The following SMYD3 variants were observed in gnomAD, a reference collection of about 807,000 sequenced individuals.
SMYD3 encodes SET and MYND domain containing 3, also known as histone-lysine N-methyltransferase SMYD3.
SMYD3 carries 36 observed loss-of-function variants against 57.7 expected under a neutral mutation model. The ratio of observed to expected loss-of-function variants is 0.62; its 90% CI spans 0.48 to 0.82. The LOEUF is 0.82. SMYD3 is among the 40% of genes least tolerant of loss of function. The pLI is 0.00. For synonymous variants in SMYD3, 211 were observed against 195.0 expected (o/e 1.08, Z -0.68); for missense variants, 515 against 538.8 (o/e 0.96, Z 0.44).
intron 8 of SMYD3, among the ~76,000 whole-genome samples, chr1:245,900,621 C>T (rs772458239): frequency 5.9e-5 from 9 of 152,174 alleles, no homozygotes; most frequent in Non-Finnish European, 1.3e-4. Context: ...ACTAAAGCTA[C>T]GTTTAGTTGG....
At chr1:245,885,029 C>A (rs565519461) in intron 8 of SMYD3, among the ~76,000 whole-genome samples, 40 of 152,172 alleles carry the variant, frequency 2.6e-4, no homozygotes, top group Admixed American at 1.3e-4. Flanking sequence ...ACACTCAATG[C>A]GAAGGTCTGC....
intron 5 of SMYD3, among the ~76,000 whole-genome samples, chr1:245,952,520 G>A (rs1220333417): frequency 3.9e-5 from 6 of 152,126 alleles, no homozygotes; most frequent in Admixed American, 3.3e-4. Flanking sequence ...TCAGAAAGCC[G>A]ATCCTCAGAA....
intron 11 of SMYD3, 43 bp downstream of exon 11, chr1:245,763,998 A>T: frequency 6.7e-7 from 1 of 1,489,228 alleles, no homozygotes; most frequent in Admixed American, 1.7e-5. Context: ...CAGCAGAAAA[A>T]AAGGATGCCA....
chr1:246,005,054 G>T (rs2059145287), intron 5 of SMYD3, among the ~76,000 whole-genome samples: 1 of 152,050 alleles, frequency 6.6e-6, no homozygotes. Flanking sequence ...TCTCCATGTT[G>T]CCCATGCTGG....
intron 5 of SMYD3, among the ~76,000 whole-genome samples, chr1:246,109,507 T>C (rs766740218): frequency 5.9e-5 from 9 of 152,224 alleles, no homozygotes; most frequent in Non-Finnish European, 8.8e-5. Context: ...TAGTATGTTC[T>C]AAGAATCCAA....
intron 1 of SMYD3, among the ~76,000 whole-genome samples, chr1:246,446,098 C>G (rs2067547474): frequency 6.6e-6 from 1 of 151,924 alleles, no homozygotes; most frequent in Non-Finnish European, 1.5e-5. Context: ...GTCAGAAGAC[C>G]CTGGATGTAA....
chr1:245,772,062 G>A (rs1396014808), intron 10 of SMYD3, among the ~76,000 whole-genome samples: 1 of 152,118 alleles, frequency 6.6e-6, no homozygotes, highest in African/African-American at 2.4e-5. Flanking sequence ...TCAGGGCCGT[G>A]AATTCTTGTT....
At chr1:246,007,815 CAA>C (rs199605639) in intron 5 of SMYD3, among the ~76,000 whole-genome samples, 1 of 138,294 alleles carries the variant, frequency 7.2e-6, no homozygotes. Flanking sequence ...AGACCCTGAC[CAA>C]AAAAAAAAAG....
intron 5 of SMYD3, chr1:245,953,437 T>C (rs2057728021): frequency 1.2e-6 from 1 of 812,014 alleles, no homozygotes; most frequent in South Asian, 5.8e-5. Context: ...TGTTTTGTTT[T>C]TGAGACAGAG....
chr1:245,947,076 T>A (rs752902522), intron 5 of SMYD3, among the ~76,000 whole-genome samples: 1 of 152,166 alleles, frequency 6.6e-6, no homozygotes, highest in Non-Finnish European at 1.5e-5. Context: ...TACTGTCAGA[T>A]CGTCCACAGG....
At chr1:245,810,212 G>A (rs2048383891) in intron 10 of SMYD3, among the ~76,000 whole-genome samples, 1 of 152,140 alleles carries the variant, frequency 6.6e-6, no homozygotes, top group Non-Finnish European at 1.5e-5. Flanking sequence ...TCTCTTGCTA[G>A]GTGAGGCCTC....
chr1:246,135,255 A>G (rs2061649796), intron 5 of SMYD3, among the ~76,000 whole-genome samples: 1 of 152,098 alleles, frequency 6.6e-6, no homozygotes, highest in Non-Finnish European at 1.5e-5. Context: ...CTTTGGTCCC[A>G]TTCATCCTTC....
In SMYD3 at chr1:246,195,169, C is replaced by T. The variant is rs140538965; in HGVS notation, c.531+132032G>A. Among the ~76,000 whole-genome samples the T allele has an allele frequency of 6.7e-3, 1,022 of 152,228 alleles. 15 individuals are homozygous for T. The highest frequency in any genetic ancestry group is 0.022 in the African/African-American group (917 of 41,532). On this transcript the variant is annotated intron_variant, in intron 5 of 11. Transcript: ENST00000490107. ...ATTGGCCCATATGAAGTGGGATCCCCGGGGCAGTGACAAAACTAAGTTTAT... is the reference window on the plus strand; with the variant it reads ...ATTGGCCCATATGAAGTGGGATCCCTGGGGCAGTGACAAAACTAAGTTTAT...
chr1:246,383,891 T>G (rs1033883835), intron 1 of SMYD3, among the ~76,000 whole-genome samples: 1 of 152,220 alleles, frequency 6.6e-6, no homozygotes, highest in Admixed American at 6.5e-5. Context: ...ACTCTGTTAT[T>G]GATATCTTCA....
At chr1:245,932,513 T>C (rs2056780823) in intron 5 of SMYD3, among the ~76,000 whole-genome samples, 1 of 152,190 alleles carries the variant, frequency 6.6e-6, no homozygotes, top group Non-Finnish European at 1.5e-5. Context: ...TTCATCACTC[T>C]AGTCCTGTAC....
intron 5 of SMYD3, among the ~76,000 whole-genome samples, chr1:246,083,101 C>T (rs948107047): frequency 3.3e-5 from 5 of 150,444 alleles, no homozygotes; most frequent in Non-Finnish European, 4.4e-5. Flanking sequence ...GCCCGACACC[C>T]GTAAAGGGTC....
Position 245,990,043 on chromosome 1 carries a change from T to C in SMYD3, c.532-60106A>G, listed in dbSNP as rs547483318. Among the ~76,000 whole-genome samples the C allele has an allele frequency of 2.4e-4, 36 of 152,346 alleles. No individual in the cohort carries two copies. In the East Asian group the frequency reaches 6.0e-3, roughly 25 times the overall value. ...GAAGGTGTTTCTTCTACGTTTGTTGTATCTAGCTTTTTCTTTTCAGATTTT... is the reference window on the plus strand; with the variant it reads ...GAAGGTGTTTCTTCTACGTTTGTTGCATCTAGCTTTTTCTTTTCAGATTTT... On this transcript the variant is annotated intron_variant, in intron 5 of 11. Transcript: ENST00000490107.
chr1:246,133,025 A>G (rs2061611110), intron 5 of SMYD3, among the ~76,000 whole-genome samples: 1 of 152,128 alleles, frequency 6.6e-6, no homozygotes, highest in African/African-American at 2.4e-5. Context: ...ACCCTTGGGT[A>G]CTGCTGGTGG....
At chr1:246,005,799 A>C (rs2059158354) in intron 5 of SMYD3, among the ~76,000 whole-genome samples, 1 of 152,226 alleles carries the variant, frequency 6.6e-6, no homozygotes, top group Non-Finnish European at 1.5e-5. Context: ...TCAAACCTCC[A>C]GTCAGCAGTC....
Sources: gnomAD v4.1 joint callset for allele counts (sites outside exome capture counted in the v4.1 genomes callset) on GRCh38, gnomAD v4.1.1 for gene constraint, MANE v1.5 for transcripts, NCBI Gene and HGNC (gene_info 2026-07-23, HGNC 2026-07-21) for gene names.